SNRPA: variants seen among roughly 807,000 people sequenced by gnomAD.
The protein encoded by SNRPA is small nuclear ribonucleoprotein polypeptide A, also known as U1 small nuclear ribonucleoprotein A.
SNRPA carries 10 observed loss-of-function variants against 24.5 expected under a neutral mutation model. That is an observed-to-expected ratio of 0.41 (90% CI 0.25 to 0.69). SNRPA has a LOEUF of 0.69. Ranked by LOEUF, SNRPA falls within the 30% of genes least tolerant of loss-of-function variation. SNRPA has a pLI of 0.33. For missense variants in SNRPA, 283 were observed against 394.7 expected, an observed-to-expected ratio of 0.72 and a Z score of 2.40; for synonymous variants, 165 against 148.4, an observed-to-expected ratio of 1.11 and a Z score of -0.81.
intron 2 of SNRPA, 136 bp from the exon 3 acceptor site, chr19:40,759,295 T>C: frequency 1.3e-6 from 1 of 744,470 alleles, no homozygotes; most frequent in Non-Finnish European, 2.1e-6. Context: ...AGTGATCTGC[T>C]CGCTTTAGCC....
Position 40,751,212 on chromosome 19 carries a change from C to A in SNRPA, c.-197C>A. On this transcript the variant is annotated 5_prime_UTR_variant, in exon 1 of 6. Transcript: ENST00000243563. ...AAATCTCTCGAGAGTTCTCTCCGCA[C>A]GCGGGCTGGAGAAGCGGGTCCTACG... The A allele has an allele frequency of 1.7e-6, 1 of 605,244 alleles. No individual in the cohort carries two copies. The highest frequency in any genetic ancestry group is 1.9e-5 in the South Asian group (1 of 53,508). The allele number at this position is 605,244 out of a possible 1,614,324, so 37.5% of individuals were successfully genotyped here.
At chr19:40,761,458 C>CTTTTTTTTTTTTTTTT (rs200242370) in intron 3 of SNRPA, among the ~76,000 whole-genome samples, 13 of 85,860 alleles carry the variant, frequency 1.5e-4, no homozygotes, top group Admixed American at 5.3e-4. Context: ...TTTTCTTTTT[C>CTTTTTTTTTTTTTTTT]TTTTTTTTTT....
chr19:40,765,191 C>T lies in SNRPA; in HGVS notation c.*24C>T. On this transcript the variant is annotated 3_prime_UTR_variant, in exon 6 of 6. Transcript: ENST00000243563. ...AGCACCTTTTCCCCCCATGCCTGCC[C>T]CTTCCCCTGTTCTGGGGCCACCCCT... The T allele has an allele frequency of 6.7e-7, 1 of 1,488,620 alleles. No homozygotes were observed. Among genetic ancestry groups the T allele is most frequent in the Non-Finnish European group, 9.0e-7 (1 of 1,114,458 alleles). 92.2% of individuals were successfully genotyped at this position (1,488,620 alleles called of 1,614,324 possible).
At chr19:40,759,649 A>G in intron 3 of SNRPA, 39 bp downstream of exon 3, 1 of 1,554,704 alleles carries the variant, frequency 6.4e-7, no homozygotes, top group Admixed American at 2.0e-5. Context: ...CCACTGCCAG[A>G]CCTTCCTCAG....
rs146543972 is a variant in SNRPA, at chr19:40,757,120, A to G, written c.74-212A>G. ...GCATGTATGTGCACATGTTCATTATATAGCAGCTCTCTGTAAGCACATCTT... is the reference window on the plus strand; with the variant it reads ...GCATGTATGTGCACATGTTCATTATGTAGCAGCTCTCTGTAAGCACATCTT... On this transcript the variant is annotated intron_variant, in intron 1 of 5. Transcript: ENST00000243563. 6.3e-4 allele frequency: 360 copies of G among 572,894 alleles called. 1 individual carries two copies. The highest frequency in any genetic ancestry group is 8.3e-4 in the Non-Finnish European group (267 of 321,060). The allele number at this position is 572,894 out of a possible 1,614,324, so 35.5% of individuals were successfully genotyped here.
intron 3 of SNRPA, 62 bp from the exon 4 acceptor site, chr19:40,762,839 A>T: frequency 6.4e-7 from 1 of 1,551,374 alleles, no homozygotes; most frequent in African/African-American, 1.4e-5. Context: ...GTTTCCTTTC[A>T]TGGCCTCTTC....
At chr19:40,763,414 G>C in intron 4 of SNRPA, 173 bp from the exon 5 acceptor site, 1 of 655,796 alleles carries the variant, frequency 1.5e-6, no homozygotes, top group East Asian at 2.7e-5. Flanking sequence ...CCTATAGTCT[G>C]TAGGGGCAAA....
chr19:40,762,042 G>C (rs1443345913), intron 3 of SNRPA, among the ~76,000 whole-genome samples: 5 of 152,016 alleles, frequency 3.3e-5, no homozygotes, highest in African/African-American at 9.7e-5. Context: ...GTGGGCTCCT[G>C]TTAACCTCTC....
chr19:40,762,700 A>G (rs1213162804), intron 3 of SNRPA, among the ~76,000 whole-genome samples: 2 of 152,152 alleles, frequency 1.3e-5, no homozygotes, highest in East Asian at 3.9e-4. Flanking sequence ...TCAGCCTCAC[A>G]AATAGCATTT....
chr19:40,753,924 C>G (rs1202656171), intron 1 of SNRPA, among the ~76,000 whole-genome samples: 1 of 151,812 alleles, frequency 6.6e-6, no homozygotes, highest in Non-Finnish European at 1.5e-5. Flanking sequence ...GCCTCAGCCT[C>G]CCGAGTAGCT....
intron 4 of SNRPA, 140 bp from the exon 5 acceptor site, chr19:40,763,447 C>T: frequency 1.4e-6 from 1 of 732,794 alleles, no homozygotes; most frequent in Admixed American, 2.0e-5. Flanking sequence ...AGACAGGCAA[C>T]AGACAACAAT....
chr19:40,763,011 G>A lies in SNRPA; in HGVS notation c.537G>A (p.Gln179=), dbSNP rs2082939502. 1 of 1,610,956 alleles carries A rather than the reference G, an allele frequency of 6.2e-7. No individual in the cohort carries two copies. Among genetic ancestry groups the A allele is most frequent in the East Asian group, 2.2e-5 (1 of 44,864 alleles). Residue 179 remains glutamine, a synonymous_variant, in exon 4 of 6, where the codon CAG becomes CAA. Transcript: ENST00000243563. ...CCCCGCCAGGCCTTGCACCTGGCCAGATCCCACCAGGGGCCATGCCCCCGC... is the reference window on the plus strand; with the variant it reads ...CCCCGCCAGGCCTTGCACCTGGCCAAATCCCACCAGGGGCCATGCCCCCGC... ...MIPPPGLAPG[Q]IPPGAMPPQQ...
intron 3 of SNRPA, among the ~76,000 whole-genome samples, chr19:40,761,907 C>T (rs768375568): frequency 6.6e-6 from 1 of 152,146 alleles, no homozygotes; most frequent in Non-Finnish European, 1.5e-5. Context: ...GAACCAGGCC[C>T]ACTCCTTAGG....
At chr19:40,751,566 A>G (rs1466380047) in intron 1 of SNRPA, 85 bp downstream of exon 1, 41 of 1,028,486 alleles carry the variant, frequency 4.0e-5, no homozygotes, top group Non-Finnish European at 2.2e-5. Flanking sequence ...TCTCTTTCTA[A>G]GTGTTTGTCC....
Position 40,751,255 on chromosome 19 carries a change from C to G in SNRPA, c.-154C>G. The stretch of plus-strand genomic sequence containing the variant: ...GTCCTACGCACGCTTTGTTGTCGCG[C>G]TTTGCCTCCGTCCTTGCCCCTACTC... On this transcript the variant is annotated 5_prime_UTR_variant, in exon 1 of 6. Transcript: ENST00000243563. 2 of 683,400 alleles carry G rather than the reference C, an allele frequency of 2.9e-6. No homozygotes were observed. Among genetic ancestry groups the G allele is most frequent in the East Asian group, 2.5e-5 (1 of 39,972 alleles). The allele number at this position is 683,400 out of a possible 1,614,324, so 42.3% of individuals were successfully genotyped here.
At chr19:40,763,540 C>G in intron 4 of SNRPA, 47 bp from the exon 5 acceptor site, 4 of 1,476,728 alleles carry the variant, frequency 2.7e-6, no homozygotes, top group Non-Finnish European at 3.8e-6. Flanking sequence ...GGGTCTCCCA[C>G]TGGACTCAGG....
chr19:40,763,226 C>T, intron 4 of SNRPA, 152 bp downstream of exon 4: 3 of 627,112 alleles, frequency 4.8e-6, no homozygotes, highest in Non-Finnish European at 8.3e-6. Context: ...TGGGGGTGGG[C>T]CCTGGGCAGA....
chr19:40,760,993 A>G (rs553725609), intron 3 of SNRPA, among the ~76,000 whole-genome samples: 7 of 151,738 alleles, frequency 4.6e-5, no homozygotes, highest in Non-Finnish European at 8.8e-5. Context: ...GTCTCAGTCA[A>G]TCTGTCTCCC....
intron 2 of SNRPA, among the ~76,000 whole-genome samples, chr19:40,758,627 A>C (rs975771393): frequency 7.9e-5 from 12 of 152,356 alleles, no homozygotes; most frequent in African/African-American, 2.2e-4. Flanking sequence ...CAGTCCTTTG[A>C]AGTGGGAAGT....
Sources: gnomAD v4.1 joint callset for allele counts (sites outside exome capture counted in the v4.1 genomes callset) on GRCh38, gnomAD v4.1.1 for gene constraint, MANE v1.5 for transcripts, NCBI Gene and HGNC (gene_info 2026-07-23, HGNC 2026-07-21) for gene names.